C7: variants seen among roughly 807,000 people sequenced by gnomAD.
C7 encodes complement component C7.
C7 carries 83 observed loss-of-function variants against 104.8 expected under a neutral mutation model. The observed-to-expected ratio is 0.79, with a 90% CI of 0.66 to 0.95. The LOEUF (loss-of-function observed/expected upper bound fraction) is 0.95. C7 is among the 40% of genes least tolerant of loss of function. C7 has a pLI of 0.00. For missense variants in C7, 1,070 were observed against 1,011.2 expected (o/e 1.06, Z -0.79); for synonymous variants, 415 against 360.6 (o/e 1.15, Z -1.71).
intron 15 of C7, among the ~76,000 whole-genome samples, chr5:40,973,716 T>C (rs2111713141): frequency 6.6e-6 from 1 of 152,372 alleles, no homozygotes; most frequent in Non-Finnish European, 1.5e-5. Flanking sequence ...TTTAAAGTCA[T>C]GGACCAGTAC....
chr5:40,968,590 ATATATATATATTTTTTTTTTTTTT>A (rs1267006701), intron 14 of C7, among the ~76,000 whole-genome samples: 1,929 of 42,864 alleles, frequency 0.045, 11 homozygotes, highest in African/African-American at 0.072. Flanking sequence ...ATATATATAT[ATATATATATATTTTTTTTTTTTTT>A]TTTTTTTTTT....
intron 11 of C7, among the ~76,000 whole-genome samples, chr5:40,958,688 T>C (rs1740355631): frequency 6.6e-6 from 1 of 152,252 alleles, no homozygotes; most frequent in East Asian, 1.9e-4. Flanking sequence ...TTGTTGAACA[T>C]CTGCTGTGTG....
At chr5:40,975,214 TA>T (rs150007251) in intron 15 of C7, among the ~76,000 whole-genome samples, 3,511 of 152,270 alleles carry the variant, frequency 0.023, 134 homozygotes, top group African/African-American at 0.08. Context: ...TGGTTAAAAC[TA>T]AAAAATTAAT....
rs753835487 is a variant in C7, at chr5:40,947,599, C to T, written c.739-3C>T. The T allele has an allele frequency of 6.8e-6, 11 of 1,612,954 alleles. No homozygotes were observed. The highest frequency in any genetic ancestry group is 9.3e-6 in the Non-Finnish European group (11 of 1,179,420). On this transcript the variant is annotated splice_region_variant and splice_polypyrimidine_tract_variant and intron_variant, in intron 7 of 17. Transcript: ENST00000313164. ...CTCCTTGTACTCTTTCTTCTTTCCA[C>T]AGAGTTACCAACTGCTGGTTGTTGA... is the stretch of plus-strand genomic sequence containing the variant.
intron 1 of C7, among the ~76,000 whole-genome samples, chr5:40,911,707 A>G (rs567531263): frequency 6.6e-6 from 1 of 152,172 alleles, no homozygotes; most frequent in East Asian, 1.9e-4. Context: ...ACATTGACAC[A>G]GAACAAAAAT....
intron 6 of C7, among the ~76,000 whole-genome samples, chr5:40,938,357 A>C (rs1291867603): frequency 1.3e-5 from 2 of 152,204 alleles, no homozygotes; most frequent in Non-Finnish European, 2.9e-5. Context: ...TTGTATAAAT[A>C]GAATCATATC....
At position 40,922,145 on chromosome 5, in the gene C7, G is replaced by A. The variant is rs574889264; in HGVS notation, c.7-6435G>A. On this transcript the variant is annotated intron_variant, in intron 1 of 17. Transcript: ENST00000313164. The stretch of plus-strand genomic sequence containing the variant: ...TAATCCCAGCACTTTGGGAGGCTGA[G>A]GTGGGTAGATCACAAGGTCAGGAGT... Among the ~76,000 whole-genome samples the A allele has an allele frequency of 6.6e-5, 10 of 152,044 alleles. No individual in the cohort carries two copies. The South Asian group carries it at 2.1e-3, about 32-fold the overall frequency.
chr5:40,979,494 C>G (rs1052582989), intron 16 of C7, among the ~76,000 whole-genome samples: 1 of 152,072 alleles, frequency 6.6e-6, no homozygotes, highest in East Asian at 1.9e-4. Flanking sequence ...TAGATATCTA[C>G]ACTTAGAAAA....
intron 1 of C7, among the ~76,000 whole-genome samples, chr5:40,926,368 TGCC>T (rs1739552536): frequency 2.3e-5 from 1 of 43,164 alleles, no homozygotes; most frequent in Non-Finnish European, 4.0e-5. Context: ...TGCCCACTTT[TGCC>T]ACTTTTGCCA....
chr5:40,952,506 T>A (rs893015127), intron 9 of C7, among the ~76,000 whole-genome samples: 3 of 99,024 alleles, frequency 3.0e-5, no homozygotes, highest in African/African-American at 1.0e-4. Flanking sequence ...TTATTTATTT[T>A]TATTATACTT....
intron 9 of C7, among the ~76,000 whole-genome samples, chr5:40,955,061 A>G (rs1740259198): frequency 6.6e-6 from 1 of 152,152 alleles, no homozygotes; most frequent in South Asian, 2.1e-4. Context: ...ACAGAGTGGA[A>G]CATTTGTTAC....
intron 12 of C7, among the ~76,000 whole-genome samples, chr5:40,961,677 C>T (rs911815731): frequency 6.6e-6 from 1 of 152,242 alleles, no homozygotes; most frequent in South Asian, 2.1e-4. Context: ...TGAGCTGTCG[C>T]ATCTCGTCCA....
At chr5:40,959,756 G>T (rs781207958) in intron 12 of C7, 136 bp downstream of exon 12, 3 of 635,880 alleles carry the variant, frequency 4.7e-6, no homozygotes, top group Non-Finnish European at 7.6e-6. Context: ...TTGTCCCTTA[G>T]CACTAGGGTG....
chr5:40,950,447 T>C (rs989298181), intron 9 of C7, among the ~76,000 whole-genome samples: 1 of 152,202 alleles, frequency 6.6e-6, no homozygotes, highest in African/African-American at 2.4e-5. Context: ...ATCCAGTTTA[T>C]CATTGATGGG....
chr5:40,941,284 G>A (rs534607510), intron 6 of C7, among the ~76,000 whole-genome samples: 12 of 151,866 alleles, frequency 7.9e-5, no homozygotes, highest in Admixed American at 2.6e-4. Context: ...GGCTGGTCTC[G>A]AACTCCTGTC....
At chr5:40,933,648 T>C (rs914378615) in intron 3 of C7, among the ~76,000 whole-genome samples, 9 of 152,218 alleles carry the variant, frequency 5.9e-5, no homozygotes, top group Admixed American at 2.6e-4. Context: ...AAATTTGACT[T>C]CCATATTCAT....
intron 14 of C7, among the ~76,000 whole-genome samples, chr5:40,970,315 G>A (rs959305160): frequency 4.6e-5 from 7 of 152,128 alleles, no homozygotes; most frequent in Non-Finnish European, 1.0e-4. Flanking sequence ...GTCCATTAGG[G>A]ATATTAGCAA....
chr5:40,910,576 T>C (rs1375564141), intron 1 of C7, among the ~76,000 whole-genome samples: 1 of 152,084 alleles, frequency 6.6e-6, no homozygotes, highest in African/African-American at 2.4e-5. Context: ...AAAGTTATGA[T>C]GGGCAGTCAT....
At chr5:40,932,370 C>G (rs913428704) in intron 3 of C7, among the ~76,000 whole-genome samples, 1 of 152,014 alleles carries the variant, frequency 6.6e-6, no homozygotes, top group Non-Finnish European at 1.5e-5. Flanking sequence ...GTCCTCTTTT[C>G]CCATAATTTT....
Sources: allele counts gnomAD v4.1 joint callset (sites outside exome capture counted in the v4.1 genomes callset), GRCh38; gene constraint gnomAD v4.1.1; transcripts MANE v1.5; gene names NCBI Gene and HGNC (gene_info 2026-07-23, HGNC 2026-07-21).